Variants in ITPR1 observed in about 807,000 individuals in gnomAD.
ITPR1 encodes inositol 1,4,5-trisphosphate receptor type 1.
In ITPR1, 96 loss-of-function variants were observed where a neutral mutation model predicts 318.4. The observed-to-expected ratio is 0.30, with a 90% CI of 0.26 to 0.36. The LOEUF (loss-of-function observed/expected upper bound fraction) is 0.36. Among genes scored for constraint, ITPR1 ranks in the 10% least tolerant of loss-of-function variants. The pLI is 1.00. For missense variants in ITPR1, 2,440 were observed against 3,460.2 expected, an observed-to-expected ratio of 0.71 and a Z score of 7.40; for synonymous variants, 1,312 against 1,289.9, an observed-to-expected ratio of 1.02 and a Z score of -0.37.
At chr3:4,596,684 G>A (rs902005792) in intron 4 of ITPR1, among the ~76,000 whole-genome samples, 1 of 152,174 alleles carries the variant, frequency 6.6e-6, no homozygotes, top group African/African-American at 2.4e-5. Context: ...TTTCCTCCCT[G>A]AAATCTTAGC....
At chr3:4,613,473 C>G (rs1265074450) in intron 4 of ITPR1, among the ~76,000 whole-genome samples, 1 of 152,082 alleles carries the variant, frequency 6.6e-6, no homozygotes, top group Non-Finnish European at 1.5e-5. Context: ...GGGGGAACTT[C>G]CCTCTGTTGC....
intron 4 of ITPR1, among the ~76,000 whole-genome samples, chr3:4,536,174 G>A (rs946040371): frequency 3.3e-5 from 5 of 152,166 alleles, no homozygotes; most frequent in Non-Finnish European, 7.3e-5. Context: ...TCAGTCGTTT[G>A]CCAGGTTTAT....
chr3:4,801,701 T>C (rs1401339376), intron 54 of ITPR1, among the ~76,000 whole-genome samples: 4 of 151,454 alleles, frequency 2.6e-5, no homozygotes, highest in African/African-American at 7.3e-5. Flanking sequence ...GAGGTGGAGG[T>C]TGTAGTGAGC....
intron 15 of ITPR1, among the ~76,000 whole-genome samples, chr3:4,662,835 A>G (rs1377546403): frequency 2.0e-5 from 3 of 152,142 alleles, no homozygotes; most frequent in African/African-American, 7.2e-5. Flanking sequence ...CTGAGATAAA[A>G]TTTTGTGTCT....
chr3:4,689,328 C>T (rs553957601), intron 31 of ITPR1, among the ~76,000 whole-genome samples: 177 of 143,150 alleles, frequency 1.2e-3, no homozygotes, highest in African/African-American at 4.3e-3. Context: ...CTCACTCACT[C>T]AGTAGTACTG....
At chr3:4,825,035 C>G (rs187014200) in intron 60 of ITPR1, among the ~76,000 whole-genome samples, 1 of 152,326 alleles carries the variant, frequency 6.6e-6, no homozygotes, top group East Asian at 1.9e-4. Context: ...CACAGCCAGA[C>G]TGGAGCTTCC....
intron 39 of ITPR1, 27 bp from the exon 40 acceptor site, chr3:4,717,340 C>G: frequency 6.4e-7 from 1 of 1,558,090 alleles, no homozygotes; most frequent in Non-Finnish European, 8.7e-7. Flanking sequence ...ATTTCCTTCT[C>G]TCTCTCTCCC....
chr3:4,724,031 G>C (rs1167990360), intron 40 of ITPR1, among the ~76,000 whole-genome samples: 1 of 152,124 alleles, frequency 6.6e-6, no homozygotes, highest in Non-Finnish European at 1.5e-5. Flanking sequence ...CTATCATTTT[G>C]AAAATACCTT....
At chr3:4,664,747 A>C (rs1420542426) in intron 16 of ITPR1, among the ~76,000 whole-genome samples, 2 of 152,244 alleles carry the variant, frequency 1.3e-5, no homozygotes, top group Non-Finnish European at 2.9e-5. Context: ...TTTCATCCTT[A>C]CTACACCTCT....
chr3:4,770,588 T>C (rs1029550760), intron 46 of ITPR1, among the ~76,000 whole-genome samples: 5 of 152,310 alleles, frequency 3.3e-5, no homozygotes, highest in Admixed American at 6.5e-5. Context: ...GGGTTCTTTC[T>C]TTTCTTTGGT....
At chr3:4,567,747 A>AT (rs1365650328) in intron 4 of ITPR1, among the ~76,000 whole-genome samples, 1 of 152,050 alleles carries the variant, frequency 6.6e-6, no homozygotes, top group Non-Finnish European at 1.5e-5. Flanking sequence ...GACTACAGGC[A>AT]TGCGTCACCA....
At chr3:4,732,656 A>G (rs1015790528) in intron 42 of ITPR1, among the ~76,000 whole-genome samples, 1 of 152,104 alleles carries the variant, frequency 6.6e-6, no homozygotes, top group Non-Finnish European at 1.5e-5. Flanking sequence ...ATCTTATTCT[A>G]TTACCCTGAT....
At chr3:4,674,997 C>T (rs1279996699) in intron 22 of ITPR1, 71 bp from the exon 23 acceptor site, 5 of 812,502 alleles carry the variant, frequency 6.2e-6, no homozygotes, top group Non-Finnish European at 1.0e-5. Context: ...CTAAACTGGT[C>T]AACATCAAAT....
In ITPR1 at chr3:4,669,673, G is replaced by A. The variant is rs2094030403; in HGVS notation, c.1906G>A (p.Asp636Asn). The A allele has an allele frequency of 2.5e-6, 4 of 1,612,456 alleles. No homozygotes were observed. Among genetic ancestry groups the A allele is most frequent in the Non-Finnish European group, 3.4e-6 (4 of 1,178,980 alleles). ...GTTTAGATTCTTAGATTACCTCTCC[G>A]ACCTCTGTGTCTCCATGAACAAATC... ...REPRFLDYLS[D>N]LCVSMNKSIP... is the part of the protein sequence containing the mutation. The change falls in exon 19 of 62, where the codon GAC becomes AAC. Residue 636 changes from aspartate (D) to asparagine (N), a missense_variant. Asp to Asn is a conservative substitution (Grantham distance 23). Transcript: ENST00000649015.
intron 44 of ITPR1, among the ~76,000 whole-genome samples, chr3:4,736,739 G>A (rs1357713741): frequency 6.6e-6 from 1 of 152,240 alleles, no homozygotes; most frequent in African/African-American, 2.4e-5. Context: ...CCCAGCCACT[G>A]CTGTGTTCTG....
At chr3:4,553,789 C>G (rs7624224) in intron 4 of ITPR1, among the ~76,000 whole-genome samples, 64,625 of 150,826 alleles carry the variant, frequency 0.43, 14,654 homozygotes, top group East Asian at 0.62. Flanking sequence ...TTAGTAGAGA[C>G]GGGATTTCAC....
chr3:4,557,123 A>G (rs2086207251), intron 4 of ITPR1, among the ~76,000 whole-genome samples: 1 of 152,194 alleles, frequency 6.6e-6, no homozygotes, highest in Non-Finnish European at 1.5e-5. Flanking sequence ...GTCTGTTCTC[A>G]CGCTGCTAAT....
intron 10 of ITPR1, chr3:4,646,038 C>G (rs957630358): frequency 1.1e-5 from 3 of 272,532 alleles, no homozygotes; most frequent in African/African-American, 6.5e-5. Context: ...GAAACAAATT[C>G]AAAAACGAAA....
chr3:4,686,294 A>T (rs2125237458), intron 30 of ITPR1, among the ~76,000 whole-genome samples: 1 of 152,268 alleles, frequency 6.6e-6, no homozygotes, highest in Admixed American at 6.5e-5. Flanking sequence ...AGTCATGGGG[A>T]CCATATGAAT....
Sources: gnomAD v4.1 joint callset for allele counts (sites outside exome capture counted in the v4.1 genomes callset) on GRCh38, gnomAD v4.1.1 for gene constraint, MANE v1.5 for transcripts, NCBI Gene and HGNC (gene_info 2026-07-23, HGNC 2026-07-21) for gene names.